CD2AP: variants seen among roughly 807,000 people sequenced by gnomAD.
CD2AP encodes the protein CD2-associated protein.
In CD2AP, 46 loss-of-function variants were observed where a neutral mutation model predicts 85.1. The ratio of observed to expected loss-of-function variants is 0.54; its 90% CI spans 0.43 to 0.69. The LOEUF is 0.69. CD2AP is among the 30% of genes least tolerant of loss of function. The probability of loss-of-function intolerance (pLI) is 0.00; values close to 1 mark genes in which losing one functional copy is unlikely to be tolerated. For missense variants in CD2AP, 769 were observed against 729.5 expected, an observed-to-expected ratio of 1.05 and a Z score of -0.62; for synonymous variants, 255 against 252.9, an observed-to-expected ratio of 1.01 and a Z score of -0.08.
chr6:47,608,497 C>G (rs1251902770), intron 15 of CD2AP, among the ~76,000 whole-genome samples: 1 of 152,142 alleles, frequency 6.6e-6, no homozygotes, highest in Non-Finnish European at 1.5e-5. Flanking sequence ...TTCACTACAA[C>G]TGAGACATAG....
intron 11 of CD2AP, among the ~76,000 whole-genome samples, chr6:47,592,787 CT>C (rs548875869): frequency 9.1e-4 from 138 of 152,256 alleles, no homozygotes; most frequent in African/African-American, 3.1e-3. Flanking sequence ...TACGGAAACT[CT>C]GCATCTCTTC....
intron 11 of CD2AP, among the ~76,000 whole-genome samples, chr6:47,582,446 C>G (rs1768505945): frequency 6.6e-6 from 1 of 152,120 alleles, no homozygotes. Flanking sequence ...TTTAATCTCA[C>G]TGCATGTGTT....
chr6:47,531,609 C>T (rs750858924), intron 2 of CD2AP, among the ~76,000 whole-genome samples: 1 of 151,530 alleles, frequency 6.6e-6, no homozygotes, highest in Non-Finnish European at 1.5e-5. Flanking sequence ...TGCAACAGCA[C>T]AACTCTCAAA....
chr6:47,540,439 C>T (rs1767184244), intron 3 of CD2AP, among the ~76,000 whole-genome samples: 1 of 151,748 alleles, frequency 6.6e-6, no homozygotes, highest in African/African-American at 2.4e-5. Flanking sequence ...TGAGTGAACC[C>T]TATTTAAATA....
chr6:47,491,209 A>G (rs1765721358), intron 1 of CD2AP, among the ~76,000 whole-genome samples: 3 of 152,010 alleles, frequency 2.0e-5, no homozygotes, highest in African/African-American at 7.2e-5. Context: ...GGTAAGAAAT[A>G]CTTAGCCCTG....
At chr6:47,487,741 T>A (rs937607417) in intron 1 of CD2AP, among the ~76,000 whole-genome samples, 6 of 152,130 alleles carry the variant, frequency 3.9e-5, no homozygotes, top group African/African-American at 1.2e-4. Context: ...GTTATTCTCT[T>A]AGTGTGTAAA....
At chr6:47,581,393 AT>A (rs548124449) in intron 10 of CD2AP, among the ~76,000 whole-genome samples, 28 of 152,168 alleles carry the variant, frequency 1.8e-4, no homozygotes, top group Non-Finnish European at 2.6e-4. Context: ...TAATTTTCGA[AT>A]AATTGATCTT....
In CD2AP at chr6:47,536,226, A is replaced by AT. The variant is rs60736098; in HGVS notation, c.319+2484dup. 8.4e-3 allele frequency among the ~76,000 whole-genome samples: 1,222 copies of AT among 144,818 alleles called. 10 individuals are homozygous for AT. Among genetic ancestry groups the AT allele is most frequent in the African/African-American group, 0.024 (964 of 39,722 alleles). The stretch of plus-strand genomic sequence containing the variant: ...TATTATTTTATGTTTATTAAACTTG[A>AT]TTTTTTTTTTTTTGTTACTGTTTGG... On this transcript the variant is annotated intron_variant, in intron 3 of 17. Coordinates refer to ENST00000359314, the MANE Select transcript of CD2AP (RefSeq NM_012120.3).
At chr6:47,511,177 T>A (rs1582496453) in intron 2 of CD2AP, among the ~76,000 whole-genome samples, 1 of 149,954 alleles carries the variant, frequency 6.7e-6, no homozygotes, top group Non-Finnish European at 1.5e-5. Context: ...CTTTACCAAG[T>A]GGTCCAGGTT....
At chr6:47,534,020 T>C (rs1224883038) in intron 3 of CD2AP, among the ~76,000 whole-genome samples, 4 of 152,220 alleles carry the variant, frequency 2.6e-5, no homozygotes, top group African/African-American at 9.6e-5. Context: ...ATGATTACCA[T>C]TTTACCTTAA....
At chr6:47,540,505 GTAA>G (rs896650616) in intron 3 of CD2AP, among the ~76,000 whole-genome samples, 5 of 152,108 alleles carry the variant, frequency 3.3e-5, no homozygotes, top group East Asian at 1.9e-4. Context: ...ATAATTTGTG[GTAA>G]TAATAGCTAT....
At chr6:47,550,334 C>A (rs533382674) in intron 4 of CD2AP, among the ~76,000 whole-genome samples, 2 of 152,202 alleles carry the variant, frequency 1.3e-5, no homozygotes, top group East Asian at 3.9e-4. Context: ...CCAGAATCTA[C>A]AATGAACTCC....
intron 2 of CD2AP, among the ~76,000 whole-genome samples, chr6:47,522,520 C>T (rs957471549): frequency 6.6e-6 from 1 of 152,150 alleles, no homozygotes; most frequent in Non-Finnish European, 1.5e-5. Flanking sequence ...CTGTTACTTA[C>T]ATTTTTAAAT....
chr6:47,524,205 T>C (rs897268847), intron 2 of CD2AP, among the ~76,000 whole-genome samples: 20 of 152,148 alleles, frequency 1.3e-4, no homozygotes, highest in African/African-American at 4.6e-4. Context: ...GTATTTCAGA[T>C]TGGTCACTAC....
At position 47,537,606 on chromosome 6, in the gene CD2AP, G is replaced by A. The variant is rs931554296; in HGVS notation, c.319+3851G>A. Among the ~76,000 whole-genome samples, 5 of 152,144 alleles carry A rather than the reference G, an allele frequency of 3.3e-5. No individual in the cohort carries two copies. In the South Asian group the frequency reaches 1.0e-3, roughly 32 times the overall value. On this transcript the variant is annotated intron_variant, in intron 3 of 17. Coordinates refer to ENST00000359314, the MANE Select transcript of CD2AP (RefSeq NM_012120.3). ...ACTTTTTTAATGGAATCAGTTGAAAGTATGCTACAGACATAATACATTACC... is the reference window on the plus strand; with the variant it reads ...ACTTTTTTAATGGAATCAGTTGAAAATATGCTACAGACATAATACATTACC...
At chr6:47,565,604 C>T (rs575380735) in intron 5 of CD2AP, among the ~76,000 whole-genome samples, 1 of 152,024 alleles carries the variant, frequency 6.6e-6, no homozygotes, top group East Asian at 1.9e-4. Context: ...TGTAATCTTC[C>T]CCATCTGAGT....
chr6:47,549,915 A>G (rs986279331), intron 4 of CD2AP, among the ~76,000 whole-genome samples: 51 of 152,198 alleles, frequency 3.4e-4, no homozygotes, highest in Non-Finnish European at 6.5e-4. Context: ...AAATACTTAC[A>G]GCTAACTGAT....
At chr6:47,524,429 AT>A (rs971283477) in intron 2 of CD2AP, among the ~76,000 whole-genome samples, 1 of 152,052 alleles carries the variant, frequency 6.6e-6, no homozygotes, top group Non-Finnish European at 1.5e-5. Flanking sequence ...ATTAGCCCTC[AT>A]TTTCTTGCAG....
chr6:47,529,465 T>A (rs1249965531), intron 2 of CD2AP, among the ~76,000 whole-genome samples: 1 of 152,078 alleles, frequency 6.6e-6, no homozygotes, highest in Non-Finnish European at 1.5e-5. Context: ...TGGAATGGTG[T>A]CCTGTCCAGG....
Sources: allele counts gnomAD v4.1 joint callset (sites outside exome capture counted in the v4.1 genomes callset), GRCh38; gene constraint gnomAD v4.1.1; transcripts MANE v1.5; gene names NCBI Gene and HGNC (gene_info 2026-07-23, HGNC 2026-07-21).